C12orf54: variants seen among roughly 807,000 people sequenced by gnomAD.
C12orf54 encodes the protein chromosome 12 open reading frame 54.
C12orf54 carries 24 observed loss-of-function variants against 26.4 expected under a neutral mutation model. The ratio of observed to expected loss-of-function variants is 0.91; its 90% CI spans 0.66 to 1.28. The LOEUF (loss-of-function observed/expected upper bound fraction) is 1.28, where lower values mean the gene tolerates loss of function less well. C12orf54 is among the 50% of genes most tolerant of loss of function. The pLI, the probability that C12orf54 is intolerant of heterozygous loss-of-function variation, is 0.00. For synonymous variants in C12orf54, 54 were observed against 47.0 expected (o/e 1.15, Z -0.61); for missense variants, 154 against 150.9 (o/e 1.02, Z -0.11).
the C12orf54 span, among the ~76,000 whole-genome samples, chr12:48,415,139 A>G: frequency 6.6e-6 from 1 of 152,206 alleles, no homozygotes; most frequent in Non-Finnish European, 1.5e-5. Context: ...CATCCTAGCT[A>G]AAATCCTGAT....
At chr12:48,482,833 C>A (rs1280467692) in intron 1 of C12orf54, among the ~76,000 whole-genome samples, 1 of 152,042 alleles carries the variant, frequency 6.6e-6, no homozygotes, top group East Asian at 1.9e-4. Context: ...GACAATCTTG[C>A]ATTCACTCTA....
At chr12:48,440,102 G>T in the C12orf54 span, among the ~76,000 whole-genome samples, 1 of 151,970 alleles carries the variant, frequency 6.6e-6, no homozygotes, top group Non-Finnish European at 1.5e-5. Flanking sequence ...ACAGGCGCCT[G>T]TAATCCCAGC....
At position 48,483,314 on chromosome 12, in the gene C12orf54, C is replaced by T. The variant is rs773030339; in HGVS notation, c.18C>T (p.Cys6=). 11 of 1,613,898 alleles carry T rather than the reference C, an allele frequency of 6.8e-6. No individual in the cohort carries two copies. In the South Asian group the frequency reaches 1.1e-4, roughly 16 times the overall value. The change falls in exon 2 of 9, where the codon TGC becomes TGT. Residue 6 remains cysteine, a synonymous_variant. Transcript: ENST00000548364. MAQHP[C]QDQEQKVEMT... is the part of the protein sequence containing the mutation. ...GAGAACAAATGGCACAGCATCCCTG[C>T]CAGGATCAGGAACAAAAGGTAGAAA...
At chr12:48,443,395 G>A in the C12orf54 span, among the ~76,000 whole-genome samples, 4 of 152,290 alleles carry the variant, frequency 2.6e-5, no homozygotes, top group African/African-American at 4.8e-5. Flanking sequence ...AGCATGAGGC[G>A]AGCAGATTTG....
At chr12:48,472,888 G>T in the C12orf54 span, 1 of 1,614,150 alleles carries the variant, frequency 6.2e-7, no homozygotes, top group Non-Finnish European at 8.5e-7. Flanking sequence ...AGCAGTAACA[G>T]AGCCTCAGTG....
the C12orf54 span, among the ~76,000 whole-genome samples, chr12:48,425,398 G>A: frequency 6.6e-6 from 1 of 152,050 alleles, no homozygotes; most frequent in Admixed American, 6.6e-5. Flanking sequence ...TCCCACAAAG[G>A]ATATAATCTC....
chr12:48,436,013 C>T, the C12orf54 span, among the ~76,000 whole-genome samples: 7 of 152,080 alleles, frequency 4.6e-5, no homozygotes, highest in Non-Finnish European at 1.0e-4. Context: ...TCAGGAAACC[C>T]ATCTCACATG....
the C12orf54 span, among the ~76,000 whole-genome samples, chr12:48,436,094 G>A: frequency 6.6e-6 from 1 of 152,120 alleles, no homozygotes; most frequent in Non-Finnish European, 1.5e-5. Context: ...ACAAAAAAAG[G>A]CAAGGGTTGC....
At chr12:48,466,592 C>T in the C12orf54 span, among the ~76,000 whole-genome samples, 1 of 151,238 alleles carries the variant, frequency 6.6e-6, no homozygotes, top group Non-Finnish European at 1.5e-5. Flanking sequence ...ATGCTTAACA[C>T]GATTCGTTAT....
chr12:48,428,030 A>G, the C12orf54 span, among the ~76,000 whole-genome samples: 3 of 152,126 alleles, frequency 2.0e-5, no homozygotes, highest in Non-Finnish European at 2.9e-5. Context: ...CTTCAAAACC[A>G]TGAAAATACA....
chr12:48,437,430 C>T, the C12orf54 span, among the ~76,000 whole-genome samples: 1 of 152,082 alleles, frequency 6.6e-6, no homozygotes, highest in Non-Finnish European at 1.5e-5. Context: ...ATACCAAAGC[C>T]GGGCAGAGAC....
chr12:48,479,918 T>C (rs1160495373), upstream of C12orf54, among the ~76,000 whole-genome samples: 1 of 152,152 alleles, frequency 6.6e-6, no homozygotes, highest in Admixed American at 6.5e-5. Context: ...AACAGGCCAT[T>C]GATCTTTTCA....
At chr12:48,440,737 T>C in the C12orf54 span, among the ~76,000 whole-genome samples, 1 of 152,216 alleles carries the variant, frequency 6.6e-6, no homozygotes, top group Non-Finnish European at 1.5e-5. Context: ...CTATGGGACA[T>C]GCCTAGGTCC....
intron 3 of C12orf54, 87 bp downstream of exon 3, chr12:48,486,295 CAAA>C: frequency 9.0e-7 from 1 of 1,106,314 alleles, no homozygotes. Flanking sequence ...GACAGGAGGC[CAAA>C]AAAAAAAGCT....
At chr12:48,474,206 G>C in the C12orf54 span, among the ~76,000 whole-genome samples, 1 of 152,202 alleles carries the variant, frequency 6.6e-6, no homozygotes, top group African/African-American at 2.4e-5. Flanking sequence ...AAAATGATGA[G>C]AGAATTCTTC....
chr12:48,437,740 A>G, the C12orf54 span, among the ~76,000 whole-genome samples: 2 of 152,252 alleles, frequency 1.3e-5, no homozygotes, highest in African/African-American at 2.4e-5. Flanking sequence ...TTAGGTATTG[A>G]TGGGACGTAT....
the C12orf54 span, among the ~76,000 whole-genome samples, chr12:48,452,888 G>A: frequency 1.3e-5 from 2 of 152,172 alleles, no homozygotes; most frequent in Non-Finnish European, 2.9e-5. Flanking sequence ...TACACCGTTG[G>A]TGGGAGTGTA....
At position 48,483,362 on chromosome 12, in the gene C12orf54, G is replaced by A; in HGVS notation, c.65+1G>A. On this transcript the variant is annotated splice_donor_variant, in intron 2 of 8. Coordinates refer to ENST00000548364, the MANE Select transcript of C12orf54 (RefSeq NM_152319.4). LOFTEE classifies it high-confidence loss of function. ...AAATGACCTCCAAGCAGCAGAGAAGGTAATGGGGCTAATGATGACCCTCAA... is the reference window on the plus strand; with the variant it reads ...AAATGACCTCCAAGCAGCAGAGAAGATAATGGGGCTAATGATGACCCTCAA... The A allele has an allele frequency of 6.2e-7, 1 of 1,613,610 alleles. No homozygotes were observed. Among genetic ancestry groups the A allele is most frequent in the Non-Finnish European group, 8.5e-7 (1 of 1,179,640 alleles).
intron 7 of C12orf54, among the ~76,000 whole-genome samples, chr12:48,493,225 G>A (rs1301891581): frequency 1.3e-5 from 2 of 152,122 alleles, no homozygotes; most frequent in African/African-American, 2.4e-5. Flanking sequence ...CTCAGAATCA[G>A]CCCTGAACCT....
Sources: gnomAD v4.1 joint callset for allele counts (sites outside exome capture counted in the v4.1 genomes callset) on GRCh38, gnomAD v4.1.1 for gene constraint, MANE v1.5 for transcripts, NCBI Gene and HGNC (gene_info 2026-07-23, HGNC 2026-07-21) for gene names.